The following ANTXR1 variants were observed in gnomAD, a reference collection of about 807,000 sequenced individuals.
ANTXR1 encodes ANTXR cell adhesion molecule 1.
In ANTXR1, 19 loss-of-function variants were observed where a neutral mutation model predicts 78.1. The ratio of observed to expected loss-of-function variants is 0.24; its 90% CI spans 0.17 to 0.36. ANTXR1 has a LOEUF of 0.36. Among genes scored for constraint, ANTXR1 ranks in the 10% least tolerant of loss-of-function variants. The pLI, the probability that ANTXR1 is intolerant of heterozygous loss-of-function variation, is 1.00. For synonymous variants in ANTXR1, 273 were observed against 260.5 expected, an observed-to-expected ratio of 1.05 and a Z score of -0.46; for missense variants, 518 against 718.6, an observed-to-expected ratio of 0.72 and a Z score of 3.19.
intron 3 of ANTXR1, among the ~76,000 whole-genome samples, chr2:69,055,563 GA>G (rs1670043321): frequency 6.6e-6 from 1 of 152,124 alleles, no homozygotes; most frequent in African/African-American, 2.4e-5. Flanking sequence ...GTTAGTAGAA[GA>G]AAGTAAAATT....
At chr2:69,152,376 C>A in intron 13 of ANTXR1, 112 bp downstream of exon 13, 1 of 1,094,694 alleles carries the variant, frequency 9.1e-7, no homozygotes, top group Non-Finnish European at 1.4e-6. Flanking sequence ...ACAAATCTTG[C>A]ATTTTTTATA....
At chr2:69,239,845 C>T (rs979117028) in intron 17 of ANTXR1, among the ~76,000 whole-genome samples, 1 of 152,336 alleles carries the variant, frequency 6.6e-6, no homozygotes, top group Non-Finnish European at 1.5e-5. Context: ...ACCTGATCAA[C>T]AAGATCTTTC....
chr2:69,043,794 G>A (rs11887395), intron 2 of ANTXR1, among the ~76,000 whole-genome samples: 44,480 of 151,994 alleles, frequency 0.29, 9,515 homozygotes, highest in East Asian at 0.67. Flanking sequence ...TAGGCAAGAC[G>A]CCAGCTAGGA....
intron 16 of ANTXR1, among the ~76,000 whole-genome samples, chr2:69,185,200 C>T (rs943395302): frequency 2.6e-5 from 4 of 152,160 alleles, no homozygotes; most frequent in Non-Finnish European, 5.9e-5. Flanking sequence ...AAATCAAAAA[C>T]GCTGGAAGTG....
In ANTXR1 at chr2:69,122,056, A is replaced by G. The variant is rs182947577; in HGVS notation, c.803-961A>G. Reference sequence around the variant, plus strand: ...CTTCAGTTTTACTCAAAAACCCACCAAAGTTCTTTCTATAACTTACAGAAC... The same window carrying G: ...CTTCAGTTTTACTCAAAAACCCACCGAAGTTCTTTCTATAACTTACAGAAC... On this transcript the variant is annotated intron_variant, in intron 10 of 17. Transcript: ENST00000303714. Among the ~76,000 whole-genome samples the G allele has an allele frequency of 3.3e-5, 5 of 152,350 alleles. No homozygotes were observed. The East Asian group carries it at 9.6e-4, about 29-fold the overall frequency.
intron 13 of ANTXR1, among the ~76,000 whole-genome samples, chr2:69,156,341 T>C (rs1673524460): frequency 6.6e-6 from 1 of 152,176 alleles, no homozygotes; most frequent in East Asian, 1.9e-4. Context: ...TCCCTCTCCC[T>C]CCCTTTCCAC....
At chr2:69,148,671 G>A (rs1268193598) in intron 12 of ANTXR1, among the ~76,000 whole-genome samples, 1 of 152,312 alleles carries the variant, frequency 6.6e-6, no homozygotes. Context: ...CTCAGTGAAT[G>A]TCCGCTGTGC....
In ANTXR1 at chr2:69,117,132, G is replaced by A. The variant is rs147390496; in HGVS notation, c.803-5885G>A. On this transcript the variant is annotated intron_variant, in intron 10 of 17. Transcript: ENST00000303714. Reference sequence around the variant, plus strand: ...CTCTTCATCCCTAGACCCCTCTCCTGGAAGGCAAGCTCCTGTTGGTATCCA... The same window carrying A: ...CTCTTCATCCCTAGACCCCTCTCCTAGAAGGCAAGCTCCTGTTGGTATCCA... Among the ~76,000 whole-genome samples, 226 of 152,318 alleles carry A rather than the reference G, an allele frequency of 1.5e-3. 1 individual carries two copies. Among genetic ancestry groups the A allele is most frequent in the African/African-American group, 5.1e-3 (213 of 41,566 alleles).
intron 17 of ANTXR1, among the ~76,000 whole-genome samples, chr2:69,216,146 A>G (rs1675167853): frequency 6.6e-6 from 1 of 152,218 alleles, no homozygotes; most frequent in South Asian, 2.1e-4. Flanking sequence ...GCCTTTAGCA[A>G]GCTTCCTTCT....
At chr2:69,065,574 A>G (rs1429413746) in intron 3 of ANTXR1, among the ~76,000 whole-genome samples, 3 of 152,184 alleles carry the variant, frequency 2.0e-5, no homozygotes, top group Admixed American at 2.0e-4. Flanking sequence ...TATATTCAAC[A>G]ATTATAAGGG....
chr2:69,234,356 C>T (rs1302363994), intron 17 of ANTXR1, among the ~76,000 whole-genome samples: 1 of 152,146 alleles, frequency 6.6e-6, no homozygotes, highest in African/African-American at 2.4e-5. Context: ...TCTAAGTTAG[C>T]ACAATTGGCT....
intron 16 of ANTXR1, among the ~76,000 whole-genome samples, chr2:69,191,572 C>T (rs1417650809): frequency 6.6e-6 from 1 of 152,242 alleles, no homozygotes; most frequent in Non-Finnish European, 1.5e-5. Context: ...CACACCCATA[C>T]ACACTTAACT....
rs921099329 is a variant in ANTXR1 at position 69,023,554 on chromosome 2, G to T, written c.152+9903G>T. On this transcript the variant is annotated intron_variant, in intron 1 of 17. Coordinates refer to ENST00000303714, the MANE Select transcript of ANTXR1 (RefSeq NM_032208.3). ...GATGATGATGATGGCAGTGGTCATG[G>T]TGGTGGTGGTGTTAGTGCAGAAACA... 2.6e-5 allele frequency among the ~76,000 whole-genome samples: 4 copies of T among 152,018 alleles called. No individual in the cohort carries two copies. In the East Asian group the frequency reaches 7.7e-4, roughly 29 times the overall value.
chr2:69,146,476 C>T, intron 12 of ANTXR1: 2 of 773,134 alleles, frequency 2.6e-6, no homozygotes, highest in Non-Finnish European at 3.1e-6. Context: ...CTGTTTCTCC[C>T]CCTCTGGAAT....
At chr2:69,199,570 A>G (rs1440431761) in intron 17 of ANTXR1, among the ~76,000 whole-genome samples, 2 of 152,216 alleles carry the variant, frequency 1.3e-5, no homozygotes, top group African/African-American at 2.4e-5. Context: ...AAACACAGAA[A>G]CATAAGGGAA....
At chr2:69,218,169 CGT>C (rs1281030405) in intron 17 of ANTXR1, among the ~76,000 whole-genome samples, 2 of 152,122 alleles carry the variant, frequency 1.3e-5, no homozygotes, top group Non-Finnish European at 2.9e-5. Context: ...TCCTGGCCCT[CGT>C]GTGAAAACTG....
intron 9 of ANTXR1, among the ~76,000 whole-genome samples, chr2:69,101,163 C>T (rs1282162398): frequency 6.6e-6 from 1 of 152,174 alleles, no homozygotes; most frequent in African/African-American, 2.4e-5. Context: ...TATTCTTTTA[C>T]TTAAATTTCA....
chr2:69,043,619 T>C (rs1298878546), intron 2 of ANTXR1, among the ~76,000 whole-genome samples: 1 of 152,150 alleles, frequency 6.6e-6, no homozygotes, highest in Non-Finnish European at 1.5e-5. Context: ...CTTCCAAAGA[T>C]GCATCAGGCA....
chr2:69,213,390 C>A (rs1675095757), intron 17 of ANTXR1, among the ~76,000 whole-genome samples: 1 of 152,200 alleles, frequency 6.6e-6, no homozygotes, highest in Admixed American at 6.5e-5. Context: ...AAGAAACATT[C>A]CCACATCTGC....
Sources: gnomAD v4.1 joint callset for allele counts (sites outside exome capture counted in the v4.1 genomes callset) on GRCh38, gnomAD v4.1.1 for gene constraint, MANE v1.5 for transcripts, NCBI Gene and HGNC (gene_info 2026-07-23, HGNC 2026-07-21) for gene names.